The following ASIP variants were observed in gnomAD, a reference collection of about 807,000 sequenced individuals.
The protein encoded by ASIP is agouti-signaling protein.
A neutral mutation model predicts 10.3 loss-of-function variants in ASIP; 11 were observed. The observed-to-expected ratio is 1.07, with a 90% CI of 0.68 to 1.78. The LOEUF (loss-of-function observed/expected upper bound fraction) is 1.78, where lower values mean the gene tolerates loss of function less well. Among genes scored for constraint, ASIP ranks in the 40% most tolerant of loss-of-function variants. The probability of loss-of-function intolerance (pLI) is 0.00; values close to 1 mark genes in which losing one functional copy is unlikely to be tolerated. For missense variants in ASIP, 180 were observed against 169.2 expected, an observed-to-expected ratio of 1.06 and a Z score of -0.35; for synonymous variants, 70 against 70.8, an observed-to-expected ratio of 0.99 and a Z score of 0.06.
At chr20:34,252,723 T>C (rs181967692) in intron 1 of ASIP, among the ~76,000 whole-genome samples, 278 of 152,226 alleles carry the variant, frequency 1.8e-3, no homozygotes, top group African/African-American at 6.4e-3. Context: ...GATGGTAAGG[T>C]CTTTCCTTTC....
intron 1 of ASIP, among the ~76,000 whole-genome samples, chr20:34,222,787 C>T (rs868577819): frequency 2.6e-5 from 4 of 151,712 alleles, no homozygotes; most frequent in African/African-American, 9.7e-5. Context: ...TGCAGGCACG[C>T]GCCGCCACGC....
chr20:34,222,619 A>G (rs991448306), intron 1 of ASIP, among the ~76,000 whole-genome samples: 5 of 150,572 alleles, frequency 3.3e-5, no homozygotes, highest in African/African-American at 7.5e-5. Flanking sequence ...TGGTAATGCA[A>G]AAGTTACTCC....
In ASIP at chr20:34,258,685, A is replaced by ATATATATATATATATATG. The variant is rs1336922136; in HGVS notation, c.-10-1674_-10-1673insTATATATATATGTATATA. ...TAGAAGGGGGATGCCATATATATAT[A>ATATATATATATATATATG]TATATACATACTATATATATATATT... On this transcript the variant is annotated intron_variant, in intron 1 of 3. Coordinates refer to ENST00000374954, the MANE Select transcript of ASIP (RefSeq NM_001672.3). Among the ~76,000 whole-genome samples, 372 of 74,466 alleles carry ATATATATATATATATATG rather than the reference A, an allele frequency of 5.0e-3. 50 individuals are homozygous for ATATATATATATATATATG. Among genetic ancestry groups the ATATATATATATATATATG allele is most frequent in the African/African-American group, 0.031 (360 of 11,584 alleles). 48.9% of individuals were successfully genotyped at this position (74,466 alleles called of 152,430 possible). A position where few individuals can be genotyped will look rare whatever the true frequency, so the allele number is the denominator to read the frequency against.
upstream of ASIP, chr20:34,194,433 C>T (rs1287228800): frequency 1.3e-5 from 2 of 151,576 alleles, no homozygotes; most frequent in Non-Finnish European, 2.9e-5. Flanking sequence ...TTTGCTGAAT[C>T]CCTTGTGATT....
At chr20:34,235,866 A>AAGGAAGGAAGG (rs1349467682) in intron 1 of ASIP, among the ~76,000 whole-genome samples, 1 of 36,864 alleles carries the variant, frequency 2.7e-5, no homozygotes, top group Non-Finnish European at 4.2e-5. Flanking sequence ...GGAAGGAAGG[A>AAGGAAGGAAGG]AAGGAAGGAA....
At chr20:34,263,249 T>C (rs542844213) in intron 3 of ASIP, among the ~76,000 whole-genome samples, 2 of 152,298 alleles carry the variant, frequency 1.3e-5, no homozygotes, top group South Asian at 4.1e-4. Context: ...GTTCCACCTA[T>C]TTATTTAACA....
upstream of ASIP, among the ~76,000 whole-genome samples, chr20:34,238,100 T>A (rs1013065939): frequency 1.3e-5 from 2 of 152,242 alleles, no homozygotes; most frequent in Non-Finnish European, 2.9e-5. Context: ...TTTCAAAAGT[T>A]TGATTATACC....
At position 34,204,016 on chromosome 20, in the gene ASIP, G is replaced by A. The variant is rs147065217; in HGVS notation, c.-11+9256G>A. Among the ~76,000 whole-genome samples the A allele has an allele frequency of 8.1e-4, 124 of 152,204 alleles. 1 individual carries two copies. In the East Asian group the frequency reaches 0.019, roughly 23 times the overall value. ...TGGGATTACAGGCGTGAGCCACCAC[G>A]CCCGGCCATAAATGGCATATTTTAA... On this transcript the variant is annotated intron_variant, in intron 1 of 3. Transcript: ENST00000568305.
intron 1 of ASIP, among the ~76,000 whole-genome samples, chr20:34,245,343 A>AG (rs1255375394): frequency 2.6e-5 from 4 of 151,256 alleles, no homozygotes; most frequent in Non-Finnish European, 5.9e-5. Context: ...CAAAAAAAAA[A>AG]AAAAAAAGAG....
intron 1 of ASIP, among the ~76,000 whole-genome samples, chr20:34,200,000 G>A (rs557212723): frequency 6.6e-6 from 1 of 152,272 alleles, no homozygotes; most frequent in East Asian, 1.9e-4. Flanking sequence ...TCTGTGTCTT[G>A]CATTGTCATG....
Position 34,215,841 on chromosome 20 carries a change from T to C in ASIP, c.-11+21081T>C. On this transcript the variant is annotated intron_variant, in intron 1 of 3. Coordinates refer to the ASIP transcript ENST00000568305. ...TCAAAATAGGCCAGGGCCCTTAGTC[T>C]AAAGTCTGAATCAGCATTTGGATTT... 5 of 1,377,568 alleles carry C rather than the reference T, an allele frequency of 3.6e-6. 1 individual carries two copies. The South Asian group carries it at 5.8e-5, about 16-fold the overall frequency. The allele number at this position is 1,377,568 out of a possible 1,614,324, so 85.3% of individuals were successfully genotyped here.
At chr20:34,208,138 T>C (rs975041552) in intron 1 of ASIP, among the ~76,000 whole-genome samples, 3 of 152,208 alleles carry the variant, frequency 2.0e-5, no homozygotes, top group African/African-American at 4.8e-5. Context: ...GGTTTTCTAT[T>C]CTGTTCCATT....
chr20:34,223,442 A>G (rs1212219636), intron 1 of ASIP, among the ~76,000 whole-genome samples: 7 of 142,394 alleles, frequency 4.9e-5, no homozygotes, highest in East Asian at 4.4e-4. Flanking sequence ...CAGCCACCCC[A>G]TCTGGGAAGT....
chr20:34,269,077 G>T lies in ASIP; in HGVS notation c.309G>T (p.Pro103=). 6.3e-7 allele frequency: 1 copy of T among 1,577,762 alleles called. No homozygotes were observed. Among genetic ancestry groups the T allele is most frequent in the East Asian group, 2.4e-5 (1 of 42,446 alleles). The change falls in exon 4 of 4, where the codon CCG becomes CCT. Residue 103 remains proline (P), a synonymous_variant. Coordinates refer to ENST00000374954, the MANE Select transcript of ASIP (RefSeq NM_001672.3). ...CVATRNSCKP[P]APACCDPCAS... is the part of the protein sequence containing the mutation. ...CCACCCGCAACAGCTGCAAGCCGCC[G>T]GCACCCGCCTGCTGCGACCCGTGCG... is the stretch of plus-strand genomic sequence containing the variant.
At chr20:34,203,544 C>G (rs1400366872) in intron 1 of ASIP, among the ~76,000 whole-genome samples, 1 of 151,706 alleles carries the variant, frequency 6.6e-6, no homozygotes, top group Admixed American at 6.6e-5. Context: ...ATTACAGGCA[C>G]CTGCCACCAC....
intron 1 of ASIP, among the ~76,000 whole-genome samples, chr20:34,203,954 G>T (rs2034917867): frequency 6.6e-6 from 1 of 152,148 alleles, no homozygotes; most frequent in Non-Finnish European, 1.5e-5. Flanking sequence ...TCGAACTCCT[G>T]ACCTCAGGTG....
chr20:34,222,148 C>G (rs1032550170), intron 1 of ASIP, among the ~76,000 whole-genome samples: 1 of 151,954 alleles, frequency 6.6e-6, no homozygotes, highest in African/African-American at 2.4e-5. Flanking sequence ...AAAAGATTGA[C>G]CAGGCATGTG....
intron 1 of ASIP, among the ~76,000 whole-genome samples, chr20:34,258,674 CATAT>C (rs772655085): frequency 4.9e-4 from 6 of 12,146 alleles, no homozygotes; most frequent in East Asian, 0.01. Context: ...AGGGGGATGC[CATAT>C]ATATATATAT....
upstream of ASIP, among the ~76,000 whole-genome samples, chr20:34,239,093 T>C (rs2035248900): frequency 6.6e-6 from 1 of 152,190 alleles, no homozygotes; most frequent in Non-Finnish European, 1.5e-5. Flanking sequence ...GCCAAGTCTT[T>C]CTCTAGAAAC....
Sources: gnomAD v4.1 joint callset for allele counts (sites outside exome capture counted in the v4.1 genomes callset) on GRCh38, gnomAD v4.1.1 for gene constraint, MANE v1.5 for transcripts, NCBI Gene and HGNC (gene_info 2026-07-23, HGNC 2026-07-21) for gene names.